ZC3H12D: variants seen among roughly 807,000 people sequenced by gnomAD.
ZC3H12D encodes probable ribonuclease ZC3H12D.
In ZC3H12D, 11 loss-of-function variants were observed where a neutral mutation model predicts 24.2. The ratio of observed to expected loss-of-function variants is 0.46; its 90% confidence interval spans 0.29 to 0.75. The LOEUF is 0.75. Ranked by LOEUF, ZC3H12D falls within the 30% of genes least tolerant of loss-of-function variation. The pLI is 0.11. For missense variants in ZC3H12D, 740 were observed against 767.7 expected (o/e 0.96, Z 0.43); for synonymous variants, 333 against 341.8 (o/e 0.97, Z 0.28).
rs1775860500 is a variant in ZC3H12D, at chr6:149,449,965, T to TGTGTGTGTGTGGGG, written c.*717_*718insCCCCACACACACAC. 1.3e-5 allele frequency: 1 copy of TGTGTGTGTGTGGGG among 74,096 alleles called. No individual in the cohort carries two copies. The highest frequency in any genetic ancestry group is 6.5e-5 in the African/African-American group (1 of 15,400). 4.6% of individuals were successfully genotyped at this position (74,096 alleles called of 1,614,324 possible). The stretch of plus-strand genomic sequence containing the variant: ...TGTGTGTGTGTGTGTGTTTGTGTGG[T>TGTGTGTGTGTGGGG]GGGGGTATGTGTGTGAAGGCCCCAG... On this transcript the variant is annotated 3_prime_UTR_variant, in exon 6 of 6. Transcript: ENST00000409806.
chr6:149,473,555 C>T (rs535575513), intron 2 of ZC3H12D, among the ~76,000 whole-genome samples: 1 of 152,282 alleles, frequency 6.6e-6, no homozygotes, highest in Admixed American at 6.5e-5. Flanking sequence ...GATAACAACT[C>T]GGGCGTGAGG....
In ZC3H12D at chr6:149,452,693, C is replaced by T. The variant is rs370502035; in HGVS notation, c.710G>A (p.Arg237His). 69 of 1,607,488 alleles carry T rather than the reference C, an allele frequency of 4.3e-5. No individual in the cohort carries two copies. The highest frequency in any genetic ancestry group is 4.1e-4 in the African/African-American group (31 of 74,942). The change falls in exon 5 of 6, where the codon CGC becomes CAC. Residue 237 changes from arginine (R) to histidine (H), a missense_variant. By Grantham distance (29) the Arg-to-His change is conservative. Transcript: ENST00000409806. This position sits in a 1 kb window ranked among gnomAD's most constrained non-coding sequence, Gnocchi z 4.0. The stretch of plus-strand genomic sequence containing the variant: ...GAAGTTGCTCAGGGAGGGTCCATGG[C>T]GGCCCAGGGGGTCATCAGGCGGCAT... ...RFMPPDDPLG[R>H]HGPSLSNFLS...
intron 2 of ZC3H12D, among the ~76,000 whole-genome samples, chr6:149,468,333 C>T (rs545155006): frequency 6.6e-6 from 1 of 152,254 alleles, no homozygotes; most frequent in Admixed American, 6.5e-5. Flanking sequence ...GGGTTGGCAC[C>T]CAAGGCAAAT....
At position 149,456,625 on chromosome 6, in the gene ZC3H12D, C is replaced by A; in HGVS notation, c.680+41G>T. ...CACTGCCTCGACCCCGGCCCCCCGC[C>A]CCGCCGCCCCCCAGGGTGTCAGGAC... On this transcript the variant is annotated intron_variant, in intron 4 of 5. Coordinates refer to ENST00000409806, the MANE Select transcript of ZC3H12D (RefSeq NM_207360.3). This position sits in a 1 kb window ranked among gnomAD's most constrained non-coding sequence, Gnocchi z 4.3. 1.5e-6 allele frequency: 2 copies of A among 1,357,226 alleles called. No individual in the cohort carries two copies. Among genetic ancestry groups the A allele is most frequent in the Non-Finnish European group, 2.1e-6 (2 of 956,748 alleles). The allele number at this position is 1,357,226 out of a possible 1,614,324, so 84.1% of individuals were successfully genotyped here.
chr6:149,481,391 TAGA>T (rs1776422846), intron 1 of ZC3H12D, among the ~76,000 whole-genome samples: 1 of 150,588 alleles, frequency 6.6e-6, no homozygotes, highest in African/African-American at 2.5e-5. Flanking sequence ...TTTTTTTTTT[TAGA>T]GGGAGAGTTT....
chr6:149,481,558 A>G (rs1776425728), intron 1 of ZC3H12D, among the ~76,000 whole-genome samples: 1 of 151,686 alleles, frequency 6.6e-6, no homozygotes, highest in South Asian at 2.2e-4. Context: ...GTATTTTAGT[A>G]GAGACGGGGT....
Position 149,456,634 on chromosome 6 carries a change from C to CCCCCCCGGGGGGCGG in ZC3H12D, c.680+31_680+32insCCGCCCCCCGGGGGG. The CCCCCCCGGGGGGCGG allele has an allele frequency of 6.4e-7, 1 of 1,552,318 alleles. No homozygotes were observed. The highest frequency in any genetic ancestry group is 8.9e-7 in the Non-Finnish European group (1 of 1,127,642). On this transcript the variant is annotated intron_variant, in intron 4 of 5. Transcript: ENST00000409806. This position sits in a 1 kb window ranked among gnomAD's most constrained non-coding sequence, Gnocchi z 4.3. ...GACCCCGGCCCCCCGCCCCGCCGCC[C>CCCCCCCGGGGGGCGG]CCCAGGGTGTCAGGACCCCAGCCGG...
rs1298264432 is a variant in ZC3H12D at position 149,451,153 on chromosome 6, G to T, written c.1114C>A (p.Arg372=). The change falls in exon 6 of 6, where the codon CGA becomes AGA. Residue 372 remains arginine, a synonymous_variant. Coordinates refer to ENST00000409806, the MANE Select transcript of ZC3H12D (RefSeq NM_207360.3). ...LPVPACSLTP[R]LGGPDWVSAG... ...GACACCCAGTCGGGCCCGCCCAGTC[G>T]GGGCGTGAGGCTGCAGGCGGGGACC... 1.5e-6 allele frequency: 2 copies of T among 1,330,596 alleles called. No individual in the cohort carries two copies. Among genetic ancestry groups the T allele is most frequent in the Non-Finnish European group, 1.9e-6 (2 of 1,046,220 alleles). The allele number at this position is 1,330,596 out of a possible 1,614,324, so 82.4% of individuals were successfully genotyped here.
chr6:149,476,930 G>A (rs1343026779), intron 1 of ZC3H12D, among the ~76,000 whole-genome samples: 4 of 152,320 alleles, frequency 2.6e-5, no homozygotes, highest in African/African-American at 4.8e-5. Flanking sequence ...GAATCTCAAC[G>A]TACATGTGTT....
rs554464199 is a variant in ZC3H12D, at chr6:149,452,689, A to G, written c.714T>C (p.His238=). The change falls in exon 5 of 6, where the codon CAT becomes CAC. Residue 238 remains histidine (H), a synonymous_variant. Transcript: ENST00000409806. This position sits in a 1 kb window ranked among gnomAD's most constrained non-coding sequence, Gnocchi z 4.0. ...FMPPDDPLGR[H]GPSLSNFLSR... ...TCAGGAAGTTGCTCAGGGAGGGTCCATGGCGGCCCAGGGGGTCATCAGGCG... is the reference window on the plus strand; with the variant it reads ...TCAGGAAGTTGCTCAGGGAGGGTCCGTGGCGGCCCAGGGGGTCATCAGGCG... 1.2e-6 allele frequency: 2 copies of G among 1,608,548 alleles called. No individual in the cohort carries two copies. Among genetic ancestry groups the G allele is most frequent in the Admixed American group, 1.7e-5 (1 of 59,382 alleles).
chr6:149,452,737 CA>C lies in ZC3H12D; in HGVS notation c.681-16del, dbSNP rs1775922386. The C allele has an allele frequency of 6.3e-7, 1 of 1,580,878 alleles. No homozygotes were observed. Among genetic ancestry groups the C allele is most frequent in the Non-Finnish European group, 8.6e-7 (1 of 1,165,660 alleles). On this transcript the variant is annotated splice_polypyrimidine_tract_variant and intron_variant, in intron 4 of 5. Coordinates refer to ENST00000409806, the MANE Select transcript of ZC3H12D (RefSeq NM_207360.3). This position sits in a 1 kb window ranked among gnomAD's most constrained non-coding sequence, Gnocchi z 4.0. ...GCGGCATGAACCTGGAAAATAAGCA[CA>C]GGGGCAACTGCAAGACCACCTGGGA... is the stretch of plus-strand genomic sequence containing the variant.
At position 149,450,676 on chromosome 6, in the gene ZC3H12D, T is replaced by C. The variant is rs777130770; in HGVS notation, c.*7A>G. The C allele has an allele frequency of 6.6e-7, 1 of 1,513,210 alleles. No individual in the cohort carries two copies. Among genetic ancestry groups the C allele is most frequent in the South Asian group, 1.2e-5 (1 of 81,258 alleles). 93.7% of individuals were successfully genotyped at this position (1,513,210 alleles called of 1,614,324 possible). ...TGGGCCATTCCCTGCAAGTGCGTGT[T>C]GGTCCCTTAGGGCTTGCCCAGGGGC... On this transcript the variant is annotated 3_prime_UTR_variant, in exon 6 of 6. Coordinates refer to ENST00000409806, the MANE Select transcript of ZC3H12D (RefSeq NM_207360.3).
chr6:149,465,865 CCA>C (rs1776153147), intron 2 of ZC3H12D, among the ~76,000 whole-genome samples: 1 of 152,046 alleles, frequency 6.6e-6, no homozygotes, highest in African/African-American at 2.4e-5. Context: ...ACCCCACCCC[CCA>C]ATTCCAGCTC....
intron 2 of ZC3H12D, among the ~76,000 whole-genome samples, chr6:149,465,044 A>T (rs1362686234): frequency 6.6e-6 from 1 of 152,186 alleles, no homozygotes; most frequent in Non-Finnish European, 1.5e-5. Flanking sequence ...CTCAAGGAAG[A>T]TTAGGATAGT....
At chr6:149,472,371 C>T (rs1295191858) in intron 2 of ZC3H12D, among the ~76,000 whole-genome samples, 16 of 152,174 alleles carry the variant, frequency 1.1e-4, no homozygotes, top group Admixed American at 1.0e-3. Flanking sequence ...ATATATGACA[C>T]ACACAGAGCA....
intron 3 of ZC3H12D, chr6:149,459,530 G>T: frequency 1.4e-6 from 1 of 713,840 alleles, no homozygotes; most frequent in East Asian, 2.7e-5. Context: ...GTGGAGGTGG[G>T]AGCCATTGCC....
At chr6:149,455,789 C>T (rs1775969409) in intron 4 of ZC3H12D, among the ~76,000 whole-genome samples, 1 of 152,006 alleles carries the variant, frequency 6.6e-6, no homozygotes, top group African/African-American at 2.4e-5. Flanking sequence ...AAAATCTCAA[C>T]ACTTTGGGAG....
intron 3 of ZC3H12D, among the ~76,000 whole-genome samples, chr6:149,461,133 G>C (rs903462549): frequency 5.3e-5 from 8 of 152,104 alleles, no homozygotes; most frequent in African/African-American, 1.7e-4. Flanking sequence ...ATGAAGTCAA[G>C]AGATTGAGAC....
chr6:149,463,985 G>T (rs1395681820), intron 2 of ZC3H12D, among the ~76,000 whole-genome samples: 1 of 152,172 alleles, frequency 6.6e-6, no homozygotes, highest in Non-Finnish European at 1.5e-5. Flanking sequence ...CCACTTAGAG[G>T]AAATGTTAAG....
Sources: gnomAD v4.1 joint callset for allele counts (sites outside exome capture counted in the v4.1 genomes callset) on GRCh38, gnomAD v4.1.1 for gene constraint, Gnocchi (gnomAD v3.1) non-coding constraint, MANE v1.5 for transcripts, NCBI Gene and HGNC (gene_info 2026-07-23, HGNC 2026-07-21) for gene names.